Variants in NTNG1 observed in about 807,000 individuals in gnomAD.
The protein encoded by NTNG1 is netrin G1.
A neutral mutation model predicts 54.0 loss-of-function variants in NTNG1; 16 were observed. That is an observed-to-expected ratio of 0.30 (90% CI 0.20 to 0.45). NTNG1 has a LOEUF of 0.45. Ranked by LOEUF, NTNG1 falls within the 20% of genes least tolerant of loss-of-function variation. NTNG1 has a pLI of 1.00. For missense variants in NTNG1, 530 were observed against 678.7 expected (o/e 0.78, Z 2.43); for synonymous variants, 255 against 263.1 (o/e 0.97, Z 0.30).
At chr1:107,144,782 G>A (rs1390853372) in intron 1 of NTNG1, among the ~76,000 whole-genome samples, 1 of 151,988 alleles carries the variant, frequency 6.6e-6, no homozygotes, top group Non-Finnish European at 1.5e-5. Flanking sequence ...TATTGGTTCT[G>A]CAAATTTATA....
At chr1:107,376,382 T>C (rs1195103672) in intron 3 of NTNG1, among the ~76,000 whole-genome samples, 1 of 149,002 alleles carries the variant, frequency 6.7e-6, no homozygotes, top group African/African-American at 2.5e-5. Flanking sequence ...CACTCCAGCC[T>C]GGGTGACAGA....
chr1:107,204,373 T>A (rs1659010364), intron 2 of NTNG1, among the ~76,000 whole-genome samples: 1 of 152,174 alleles, frequency 6.6e-6, no homozygotes, highest in African/African-American at 2.4e-5. Context: ...AGTTTCTGGA[T>A]ACTTCTTATC....
At chr1:107,275,041 GAACT>G (rs776032545) in intron 2 of NTNG1, among the ~76,000 whole-genome samples, 3 of 152,114 alleles carry the variant, frequency 2.0e-5, no homozygotes, top group Non-Finnish European at 2.9e-5. Context: ...CAGGGAAACA[GAACT>G]AACAGGGCAT....
At position 107,324,421 on chromosome 1, in the gene NTNG1, C is replaced by T; in HGVS notation, c.386C>T (p.Pro129Leu). The change falls in exon 3 of 8, where the codon CCT becomes CTT. Residue 129 changes from proline (P) to leucine (L), a missense_variant. Pro to Leu is a moderately conservative substitution (Grantham distance 98). Transcript: ENST00000370068. Reference protein sequence around the residue: ...QSATWKEYPKPLQVNITLSWS... With the variant: ...QSATWKEYPKLLQVNITLSWS... ...GCCACTTGGAAGGAGTATCCCAAGC[C>T]TCTCCAGGTTAACATCACTCTGTCT... 2 of 1,613,860 alleles carry T rather than the reference C, an allele frequency of 1.2e-6. No individual in the cohort carries two copies. Among genetic ancestry groups the T allele is most frequent in the Non-Finnish European group, 8.5e-7 (1 of 1,179,866 alleles).
chr1:107,443,542 A>C (rs958678994), intron 7 of NTNG1, among the ~76,000 whole-genome samples: 1 of 151,940 alleles, frequency 6.6e-6, no homozygotes, highest in Admixed American at 6.6e-5. Flanking sequence ...CTAACTTGTA[A>C]TTTTTCAATG....
intron 5 of NTNG1, among the ~76,000 whole-genome samples, chr1:107,422,263 T>G (rs991064917): frequency 6.6e-6 from 1 of 151,962 alleles, no homozygotes; most frequent in African/African-American, 2.4e-5. Context: ...ACAAATCAAT[T>G]TGGGTATGTG....
At chr1:107,425,497 T>C (rs1444822238) in intron 5 of NTNG1, among the ~76,000 whole-genome samples, 2 of 152,172 alleles carry the variant, frequency 1.3e-5, no homozygotes, top group African/African-American at 4.8e-5. Context: ...TCCATGTTGC[T>C]GCAAATGACA....
chr1:107,233,643 A>T (rs1167813960), intron 2 of NTNG1, among the ~76,000 whole-genome samples: 1 of 152,174 alleles, frequency 6.6e-6, no homozygotes, highest in Non-Finnish European at 1.5e-5. Flanking sequence ...TGTTCCCCAC[A>T]TCTAGAAGCC....
At position 107,324,815 on chromosome 1, in the gene NTNG1, A is replaced by G; in HGVS notation, c.780A>G (p.Thr260=). 1 of 1,613,628 alleles carries G rather than the reference A, an allele frequency of 6.2e-7. No individual in the cohort carries two copies. Among genetic ancestry groups the G allele is most frequent in the Admixed American group, 1.7e-5 (1 of 59,914 alleles). The part of the protein sequence containing the change: ...TKKLRDFFTV[T]DLRIRLLRPA... Reference sequence around the variant, plus strand: ...AACTCAGAGATTTCTTTACAGTCACAGACCTGAGGATAAGGCTGTTAAGAC... The same window carrying G: ...AACTCAGAGATTTCTTTACAGTCACGGACCTGAGGATAAGGCTGTTAAGAC... Residue 260 remains threonine (T), a synonymous_variant, in exon 3 of 8, where the codon ACA becomes ACG. Coordinates refer to ENST00000370068, the MANE Select transcript of NTNG1 (RefSeq NM_001113226.3).
intron 5 of NTNG1, among the ~76,000 whole-genome samples, chr1:107,427,130 G>C (rs921478795): frequency 6.6e-6 from 1 of 152,114 alleles, no homozygotes; most frequent in Non-Finnish European, 1.5e-5. Flanking sequence ...AGCAAACAGA[G>C]ATAATTTGAT....
chr1:107,160,353 G>A (rs867899684), intron 2 of NTNG1, among the ~76,000 whole-genome samples: 2 of 151,868 alleles, frequency 1.3e-5, no homozygotes, highest in Admixed American at 6.6e-5. Context: ...TAGCAAAATC[G>A]TCAAGATATA....
intron 3 of NTNG1, among the ~76,000 whole-genome samples, chr1:107,360,881 T>TA (rs1423805518): frequency 8.5e-5 from 13 of 152,078 alleles, no homozygotes; most frequent in Admixed American, 8.5e-4. Flanking sequence ...GAATACATGT[T>TA]ACATATTTCT....
chr1:107,202,868 C>T (rs1658864217), intron 2 of NTNG1, among the ~76,000 whole-genome samples: 1 of 151,776 alleles, frequency 6.6e-6, no homozygotes, highest in African/African-American at 2.4e-5. Context: ...AAAAGTTTTC[C>T]CTTTTTCATC....
intron 2 of NTNG1, among the ~76,000 whole-genome samples, chr1:107,294,218 A>G (rs1347262424): frequency 6.6e-6 from 1 of 152,208 alleles, no homozygotes; most frequent in Non-Finnish European, 1.5e-5. Context: ...CCAAGTCCAG[A>G]GCTTTTAATT....
chr1:107,162,330 G>A (rs7513206), intron 2 of NTNG1, among the ~76,000 whole-genome samples: 42,783 of 151,814 alleles, frequency 0.28, 6,178 homozygotes, highest in African/African-American at 0.3. Flanking sequence ...AAGTTTTGTC[G>A]TGTTTATTGA....
At chr1:107,478,979 C>T (rs1421008806) in intron 7 of NTNG1, among the ~76,000 whole-genome samples, 1 of 152,208 alleles carries the variant, frequency 6.6e-6, no homozygotes, top group Non-Finnish European at 1.5e-5. Context: ...TTCTAAGCCA[C>T]TCAATAAGAG....
chr1:107,364,288 G>C (rs533956946), intron 3 of NTNG1, among the ~76,000 whole-genome samples: 1 of 151,800 alleles, frequency 6.6e-6, no homozygotes, highest in Non-Finnish European at 1.5e-5. Context: ...CATAATTCTC[G>C]TGGCTATCAT....
rs182000254 is a variant in NTNG1, at chr1:107,324,742, G to T, written c.707G>T (p.Arg236Leu). The change falls in exon 3 of 8, where the codon CGC (arginine) becomes CTC (leucine). Residue 236 changes from arginine to leucine, a missense_variant. Arg to Leu is a moderately radical substitution (Grantham distance 102). This residue lies in a region of NTNG1 where 318 missense variants were observed against 465.1 expected (regional missense o/e 0.68). Transcript: ENST00000370068. ...AGGTTCGCGTTTTTTGCTGGACCTCGCCTACGCAATATGGCTTCCCTCTAC... is the reference window on the plus strand; with the variant it reads ...AGGTTCGCGTTTTTTGCTGGACCTCTCCTACGCAATATGGCTTCCCTCTAC... ...KDRFAFFAGPRLRNMASLYGQ... is the reference protein window; with the variant it reads ...KDRFAFFAGPLLRNMASLYGQ... The T allele has an allele frequency of 1.2e-6, 2 of 1,613,426 alleles. No individual in the cohort carries two copies. Among genetic ancestry groups the T allele is most frequent in the Non-Finnish European group, 1.7e-6 (2 of 1,179,784 alleles).
At chr1:107,411,500 C>T (rs1195105386) in intron 5 of NTNG1, among the ~76,000 whole-genome samples, 1 of 152,080 alleles carries the variant, frequency 6.6e-6, no homozygotes, top group Non-Finnish European at 1.5e-5. Context: ...CCTGGATAGT[C>T]AAGAAAATAA....
Sources: allele counts gnomAD v4.1 joint callset (sites outside exome capture counted in the v4.1 genomes callset), GRCh38; gene constraint gnomAD v4.1.1; regional missense constraint gnomAD v4.1.1; transcripts MANE v1.5; gene names NCBI Gene and HGNC (gene_info 2026-07-23, HGNC 2026-07-21).